ATAD2B: variants seen among roughly 807,000 people sequenced by gnomAD.
The protein encoded by ATAD2B is ATPase family AAA domain-containing protein 2B.
Under a neutral mutation model 167.6 loss-of-function variants are expected in ATAD2B, and 40 were observed. The observed-to-expected ratio is 0.24, with a 90% CI of 0.19 to 0.31. The LOEUF (loss-of-function observed/expected upper bound fraction) is 0.31, where lower values mean the gene tolerates loss of function less well. Ranked by LOEUF, ATAD2B falls within the 10% of genes least tolerant of loss-of-function variation. ATAD2B has a pLI of 1.00. For missense variants in ATAD2B, 1,242 were observed against 1,757.2 expected (o/e 0.71, Z 5.24); for synonymous variants, 579 against 596.5 (o/e 0.97, Z 0.43).
chr2:23,913,465 C>A (rs1214585214), intron 1 of ATAD2B, among the ~76,000 whole-genome samples: 5 of 151,960 alleles, frequency 3.3e-5, no homozygotes, highest in Non-Finnish European at 7.4e-5. Context: ...TATGGTGAAA[C>A]CCCATCTCTA....
At chr2:23,744,007 T>C (rs1674658406), downstream of ATAD2B, among the ~76,000 whole-genome samples, 2 of 152,180 alleles carry the variant, frequency 1.3e-5, no homozygotes, top group African/African-American at 4.8e-5. Flanking sequence ...AACATCATCA[T>C]AGTACACTAA....
intron 12 of ATAD2B, among the ~76,000 whole-genome samples, chr2:23,862,109 A>T (rs1694459287): frequency 6.6e-6 from 1 of 152,038 alleles, no homozygotes; most frequent in Non-Finnish European, 1.5e-5. Flanking sequence ...AGGCCGGAAG[A>T]TCACTTGAGT....
At chr2:23,733,824 A>G in the ATAD2B span, among the ~76,000 whole-genome samples, 1 of 152,216 alleles carries the variant, frequency 6.6e-6, no homozygotes, top group Admixed American at 6.5e-5. Context: ...GTCCCGGCCT[A>G]TAGCATCTCT....
At chr2:23,872,727 G>A in intron 8 of ATAD2B, 2 of 1,085,166 alleles carry the variant, frequency 1.8e-6, no homozygotes, top group Non-Finnish European at 2.8e-6. Context: ...AGATCAGTCA[G>A]ACCCCCATAG....
Position 23,750,550 on chromosome 2 carries a change from C to T in ATAD2B, c.*1496G>A, listed in dbSNP as rs1387456873. 4 of 152,116 alleles carry T rather than the reference C, an allele frequency of 2.6e-5. No individual in the cohort carries two copies. The highest frequency in any genetic ancestry group is 4.8e-5 in the African/African-American group (2 of 41,422). The allele number at this position is 152,116 out of a possible 1,614,324, so 9.4% of individuals were successfully genotyped here. ...ACAAAAAGCTGAGGTAGCTCAGAAT[C>T]TCTGCAGTAGTCCAAGACCATTCGC... On this transcript the variant is annotated 3_prime_UTR_variant, in exon 28 of 28. Transcript: ENST00000238789.
chr2:23,791,642 T>C (rs982430264), intron 19 of ATAD2B, among the ~76,000 whole-genome samples: 2 of 152,350 alleles, frequency 1.3e-5, no homozygotes, highest in East Asian at 3.9e-4. Context: ...AAAGGAATTA[T>C]ACAAAATTTG....
At chr2:23,705,366 C>T in the ATAD2B span, among the ~76,000 whole-genome samples, 1 of 152,306 alleles carries the variant, frequency 6.6e-6, no homozygotes, top group South Asian at 2.1e-4. Flanking sequence ...TGGCAGGCGC[C>T]TGTAATCCCA....
chr2:23,780,267 TTGTGTGTGTGTGTGTGTG>T (rs67788174), intron 22 of ATAD2B, among the ~76,000 whole-genome samples: 3 of 143,996 alleles, frequency 2.1e-5, no homozygotes, highest in South Asian at 2.2e-4. Flanking sequence ...AAGTATATAC[TTGTGTGTGTGTGTGTGTG>T]TGTGTGTGTG....
Position 23,810,483 on chromosome 2 carries a change from T to C in ATAD2B, c.2287A>G (p.Thr763Ala), listed in dbSNP as rs367914729. The C allele has an allele frequency of 2.5e-6, 4 of 1,613,578 alleles. No homozygotes were observed. The highest frequency in any genetic ancestry group is 1.3e-5 in the African/African-American group (1 of 74,978). Residue 763 changes from threonine to alanine, a missense_variant, in exon 18 of 28, where the codon ACC (threonine) becomes GCC (alanine). By Grantham distance (58) the Thr-to-Ala change is moderately conservative (BLOSUM62 0). Transcript: ENST00000238789. ...AGCAATAAGCGTGGCCTGTAAGAGG[T>C]TGGCTGATGATATGGTGACCTGTAA... ...HFTMSPYHQP[T>A]SYRPRLLLSG...
At chr2:23,885,930 T>C (rs1032596071) in intron 4 of ATAD2B, 101 bp from the exon 5 acceptor site, 6 of 666,010 alleles carry the variant, frequency 9.0e-6, no homozygotes, top group Non-Finnish European at 1.5e-5. Context: ...GATGTGTAAC[T>C]ACACACAACT....
In ATAD2B at chr2:23,757,665, A is replaced by C. The variant is rs1298432157; in HGVS notation, c.3831T>G (p.Phe1277Leu). The change falls in exon 25 of 28, where the codon TTT becomes TTG. Residue 1277 changes from phenylalanine to leucine, a missense_variant. Phe to Leu is a conservative substitution (Grantham distance 22). Transcript: ENST00000238789. The part of the protein sequence containing the change: ...CLNGEASTDS[F>L]EGIPVLECQN... ...GACATTCCAGAACTGGTATTCCTTC[A>C]AAACTGTCAGTGGAAGCCTCACCAT... 1.9e-6 allele frequency: 3 copies of C among 1,613,820 alleles called. No individual in the cohort carries two copies. Among genetic ancestry groups the C allele is most frequent in the African/African-American group, 1.3e-5 (1 of 75,048 alleles).
chr2:23,691,702 C>T, the ATAD2B span: 24 of 1,551,656 alleles, frequency 1.5e-5, no homozygotes, highest in Admixed American at 5.9e-5. Context: ...CCAGGGCGGC[C>T]GGGAGAAGCT....
intron 1 of ATAD2B, among the ~76,000 whole-genome samples, chr2:23,903,101 T>C (rs924566772): frequency 2.0e-5 from 3 of 152,030 alleles, no homozygotes; most frequent in African/African-American, 7.2e-5. Flanking sequence ...CCAGGTGTGC[T>C]GGTCCATGCC....
intron 1 of ATAD2B, among the ~76,000 whole-genome samples, chr2:23,898,986 T>C (rs1291519770): frequency 6.6e-6 from 1 of 152,072 alleles, no homozygotes; most frequent in Non-Finnish European, 1.5e-5. Flanking sequence ...CCATCTCTAC[T>C]AAAAATACAA....
intron 14 of ATAD2B, among the ~76,000 whole-genome samples, chr2:23,829,554 T>C (rs1473114220): frequency 6.6e-6 from 1 of 152,106 alleles, no homozygotes; most frequent in Non-Finnish European, 1.5e-5. Flanking sequence ...AGTTCAAGAC[T>C]AGCCTGGACA....
chr2:23,746,488 G>A (rs1446827983), downstream of ATAD2B, among the ~76,000 whole-genome samples: 1 of 152,222 alleles, frequency 6.6e-6, no homozygotes, highest in African/African-American at 2.4e-5. Flanking sequence ...CAGACACAAT[G>A]TCTTGCTCAT....
Position 23,875,940 on chromosome 2 carries a change from A to C in ATAD2B, c.902-36T>G, listed in dbSNP as rs538329030. On this transcript the variant is annotated intron_variant, in intron 7 of 27. Coordinates refer to ENST00000238789, the MANE Select transcript of ATAD2B (RefSeq NM_017552.4). ...AGAAAAGGATAATAGAGAAATAACT[A>C]ATAAATTGATAAATTAATGTATTAA... 4.3e-6 allele frequency: 6 copies of C among 1,392,164 alleles called. No individual in the cohort carries two copies. The South Asian group carries it at 7.6e-5, about 18-fold the overall frequency. 86.2% of individuals were successfully genotyped at this position (1,392,164 alleles called of 1,614,324 possible).
chr2:23,703,727 T>C, the ATAD2B span: 27 of 1,536,232 alleles, frequency 1.8e-5, no homozygotes, highest in Non-Finnish European at 2.4e-5. Context: ...AGACAACAAG[T>C]ATGCCCCCGC....
At chr2:23,704,331 C>T in the ATAD2B span, among the ~76,000 whole-genome samples, 1 of 152,222 alleles carries the variant, frequency 6.6e-6, no homozygotes. Flanking sequence ...CAAAAGCACA[C>T]ACAAACCCAC....
Sources: allele counts gnomAD v4.1 joint callset (sites outside exome capture counted in the v4.1 genomes callset), GRCh38; gene constraint gnomAD v4.1.1; transcripts MANE v1.5; gene names NCBI Gene and HGNC (gene_info 2026-07-23, HGNC 2026-07-21).